The following DLGAP3 variants were observed in gnomAD, a reference collection of about 807,000 sequenced individuals.
DLGAP3 encodes the protein disks large-associated protein 3.
DLGAP3 carries 17 observed loss-of-function variants against 81.2 expected under a neutral mutation model. The ratio of observed to expected loss-of-function variants is 0.21; its 90% CI spans 0.14 to 0.31. The LOEUF is 0.31. DLGAP3 is among the 10% of genes least tolerant of loss of function. DLGAP3 has a pLI of 1.00. For missense variants in DLGAP3, 1,124 were observed against 1,388.0 expected (o/e 0.81, Z 3.02); for synonymous variants, 577 against 587.4 (o/e 0.98, Z 0.26).
intron 8 of DLGAP3, among the ~76,000 whole-genome samples, chr1:34,869,659 A>C (rs1487208555): frequency 2.0e-5 from 3 of 151,966 alleles, no homozygotes; most frequent in Non-Finnish European, 1.5e-5. Context: ...TCTTTTTGGA[A>C]GAGACAGGGT....
At position 34,867,764 on chromosome 1, in the gene DLGAP3, A is replaced by G; in HGVS notation, c.2486-137T>C. The G allele has an allele frequency of 2.7e-6, 2 of 739,136 alleles. No individual in the cohort carries two copies. Among genetic ancestry groups the G allele is most frequent in the Admixed American group, 2.0e-5 (1 of 50,962 alleles). The allele number at this position is 739,136 out of a possible 1,614,324, so 45.8% of individuals were successfully genotyped here. A position where few individuals can be genotyped will look rare whatever the true frequency, so the allele number is the denominator to read the frequency against. On this transcript the variant is annotated intron_variant, in intron 9 of 11. Coordinates refer to ENST00000373347, the MANE Select transcript of DLGAP3 (RefSeq NM_001080418.3). The surrounding 1 kb of genome is among the most constrained non-coding windows in gnomAD (Gnocchi z 4.3). The stretch of plus-strand genomic sequence containing the variant: ...ATCAGTCTCCTCCAGCCCCAGCCCC[A>G]TCCCATCCTCAAGTTCCTAACAAGT...
In DLGAP3 at chr1:34,900,338, T is replaced by G; in HGVS notation, c.1108-65A>C. The G allele has an allele frequency of 6.5e-7, 1 of 1,537,602 alleles. No individual in the cohort carries two copies. The highest frequency in any genetic ancestry group is 1.4e-5 in the African/African-American group (1 of 73,834). ...AGTAAATCTAGAGGCCAGGACTCTT[T>G]CCCCACTGCCAGTGGGAGATGCCCT... On this transcript the variant is annotated intron_variant, in intron 3 of 11. Coordinates refer to ENST00000373347, the MANE Select transcript of DLGAP3 (RefSeq NM_001080418.3). The surrounding 1 kb of genome is among the most constrained non-coding windows in gnomAD (Gnocchi z 5.6).
Position 34,904,545 on chromosome 1 carries a change from G to T in DLGAP3, c.839C>A (p.Pro280His). Residue 280 changes from proline (P) to histidine (H), a missense_variant, in exon 3 of 12, where the codon CCT becomes CAT. Pro to His is a moderately conservative substitution (Grantham distance 77). This residue lies in a region of DLGAP3 where 357 missense variants were observed against 408.8 expected (regional missense o/e 0.87). Coordinates refer to ENST00000373347, the MANE Select transcript of DLGAP3 (RefSeq NM_001080418.3). This position sits in a 1 kb window ranked among gnomAD's most constrained non-coding sequence, Gnocchi z 8.1. The part of the protein sequence containing the change: ...DSGFLAGGRP[P>H]GEPGGPFCLE... Reference sequence around the variant, plus strand: ...GCAGAAGGGACCACCAGGCTCCCCAGGGGGCCTCCCACCCGCCAGGAAGCC... The same window carrying T: ...GCAGAAGGGACCACCAGGCTCCCCATGGGGCCTCCCACCCGCCAGGAAGCC... 1 of 1,614,108 alleles carries T rather than the reference G, an allele frequency of 6.2e-7. No individual in the cohort carries two copies. Among genetic ancestry groups the T allele is most frequent in the Non-Finnish European group, 8.5e-7 (1 of 1,179,970 alleles).
rs1194797550 is a variant in DLGAP3 at position 34,929,278 on chromosome 1, G to A, written c.-135+173C>T. Among the ~76,000 whole-genome samples the A allele has an allele frequency of 2.0e-5, 3 of 151,030 alleles. No homozygotes were observed. Among genetic ancestry groups the A allele is most frequent in the South Asian group, 2.1e-4 (1 of 4,830 alleles). ...CGGGCCCGCGGGCAGCCAGGCCGGG[G>A]CAGGAGCGGGGGCAGCTGAGGAGGC... On this transcript the variant is annotated intron_variant, in intron 1 of 11. Coordinates refer to ENST00000373347, the MANE Select transcript of DLGAP3 (RefSeq NM_001080418.3). The surrounding 1 kb of genome is among the most constrained non-coding windows in gnomAD (Gnocchi z 6.5).
chr1:34,878,995 C>T (rs894366535), intron 8 of DLGAP3, among the ~76,000 whole-genome samples: 4 of 151,270 alleles, frequency 2.6e-5, no homozygotes, highest in Non-Finnish European at 4.4e-5. Flanking sequence ...TGGCGTGAAC[C>T]TAGGAGGCGG....
rs1639736712 is a variant in DLGAP3, at chr1:34,917,566, G to T, written c.-134-10129C>A. On this transcript the variant is annotated intron_variant, in intron 1 of 11. Transcript: ENST00000373347. The stretch of plus-strand genomic sequence containing the variant: ...TCACTATGTTGCCCCAGCTGGTCTT[G>T]AACTCCTGGGCTCAAGTGATCCTCC... Among the ~76,000 whole-genome samples the T allele has an allele frequency of 2.6e-5, 4 of 151,994 alleles. 1 individual carries two copies. Among genetic ancestry groups the T allele is most frequent in the Admixed American group, 6.6e-5 (1 of 15,262 alleles).
intron 1 of DLGAP3, among the ~76,000 whole-genome samples, chr1:34,918,131 T>TACAG (rs148311624): frequency 1.3e-5 from 2 of 151,928 alleles, no homozygotes; most frequent in East Asian, 1.9e-4. Flanking sequence ...CAGCCAGGCA[T>TACAG]ACAGACAGAC....
At chr1:34,918,826 CG>C (rs1178069935) in intron 1 of DLGAP3, among the ~76,000 whole-genome samples, 2 of 152,138 alleles carry the variant, frequency 1.3e-5, no homozygotes, top group East Asian at 3.9e-4. Context: ...ATGCACACTC[CG>C]AGGCCAGAGC....
Position 34,904,484 on chromosome 1 carries a change from G to A in DLGAP3, c.900C>T (p.Ser300=), listed in dbSNP as rs774974802. The change falls in exon 3 of 12, where the codon AGC becomes AGT. Residue 300 remains serine, a synonymous_variant. Transcript: ENST00000373347. The surrounding 1 kb of genome is among the most constrained non-coding windows in gnomAD (Gnocchi z 8.1). ...EGPDGSYRDL[S]FKGRSGGSEG... is the part of the protein sequence containing the mutation. The stretch of plus-strand genomic sequence containing the variant: ...CCGACCCGCCCGAGCGCCCCTTGAA[G>A]CTCAAGTCCCGGTAGGACCCATCTG... The A allele has an allele frequency of 4.3e-6, 7 of 1,614,108 alleles. No homozygotes were observed. The highest frequency in any genetic ancestry group is 1.7e-5 in the Admixed American group (1 of 60,014).
chr1:34,887,967 G>A (rs1162624517), intron 5 of DLGAP3, among the ~76,000 whole-genome samples: 2 of 152,198 alleles, frequency 1.3e-5, no homozygotes, highest in Non-Finnish European at 2.9e-5. Flanking sequence ...CAGGCCAGAT[G>A]CCCATGAGAA....
intron 1 of DLGAP3, among the ~76,000 whole-genome samples, chr1:34,924,996 G>A (rs1228663152): frequency 6.6e-6 from 1 of 152,136 alleles, no homozygotes; most frequent in Non-Finnish European, 1.5e-5. Flanking sequence ...AGCTCCGAAG[G>A]AGCAAATCCC....
rs149504598 is a variant in DLGAP3 at position 34,873,813 on chromosome 1, C to CTGGTTGGTTGGT, written c.2001-4736_2001-4725dup. On this transcript the variant is annotated intron_variant, in intron 8 of 11. Coordinates refer to ENST00000373347, the MANE Select transcript of DLGAP3 (RefSeq NM_001080418.3). The surrounding 1 kb of genome is among the most constrained non-coding windows in gnomAD (Gnocchi z 4.2). ...TCACTAAATAGGGCAGTTCATCACA[C>CTGGTTGGTTGGT]TGGTTGGTTGGTTGGTTGGTTGGTT... is the stretch of plus-strand genomic sequence containing the variant. Among the ~76,000 whole-genome samples the CTGGTTGGTTGGT allele has an allele frequency of 1.1e-4, 17 of 151,000 alleles. No homozygotes were observed. Among genetic ancestry groups the CTGGTTGGTTGGT allele is most frequent in the African/African-American group, 3.4e-4 (14 of 40,776 alleles).
chr1:34,866,395 C>T, intron 11 of DLGAP3, 94 bp from the exon 12 acceptor site: 1 of 1,037,308 alleles, frequency 9.6e-7, no homozygotes, highest in South Asian at 1.7e-5. Context: ...GTGCTGACGA[C>T]CGCGTGGCTC....
At chr1:34,918,926 G>C (rs981730862) in intron 1 of DLGAP3, among the ~76,000 whole-genome samples, 1 of 152,158 alleles carries the variant, frequency 6.6e-6, no homozygotes, top group Non-Finnish European at 1.5e-5. Context: ...GCTTCCACCC[G>C]CAGGACCCTG....
In DLGAP3 at chr1:34,895,734, G is replaced by C. The variant is rs1438915775; in HGVS notation, c.1386+3935C>G. 6.6e-6 allele frequency among the ~76,000 whole-genome samples: 1 copy of C among 152,070 alleles called. No homozygotes were observed. Among genetic ancestry groups the C allele is most frequent in the Non-Finnish European group, 1.5e-5 (1 of 68,014 alleles). On this transcript the variant is annotated intron_variant, in intron 5 of 11. Transcript: ENST00000373347. This position sits in a 1 kb window ranked among gnomAD's most constrained non-coding sequence, Gnocchi z 4.5. The stretch of plus-strand genomic sequence containing the variant: ...GGTAATAGCATAAAGATAGGTTCAA[G>C]CAGACCAATGGAATAAATTTTAAGG...
intron 1 of DLGAP3, among the ~76,000 whole-genome samples, chr1:34,927,460 A>G (rs1161026487): frequency 1.3e-5 from 2 of 152,134 alleles, no homozygotes; most frequent in Non-Finnish European, 1.5e-5. Context: ...TTCTACAGCT[A>G]CATACAAGCT....
Position 34,904,284 on chromosome 1 carries a change from T to C in DLGAP3, c.1100A>G (p.Tyr367Cys), listed in dbSNP as rs777715267. 5 of 1,604,340 alleles carry C rather than the reference T, an allele frequency of 3.1e-6. No individual in the cohort carries two copies. The highest frequency in any genetic ancestry group is 1.7e-4 in the Middle Eastern group (1 of 6,060). Reference sequence around the variant, plus strand: ...ACCCCAAAAAAGCCTCACCTGCAGATAGTGATAAGTCCTGGCTTTGGCCTT... The same window carrying C: ...ACCCCAAAAAAGCCTCACCTGCAGACAGTGATAAGTCCTGGCTTTGGCCTT... ...ETKAKARTYH[Y>C]LQVPQDDWGG... The change falls in exon 3 of 12, where the codon TAT (tyrosine) becomes TGT (cysteine). Residue 367 changes from tyrosine to cysteine, a missense_variant. By Grantham distance (194) the Tyr-to-Cys change is radical (BLOSUM62 -2). This residue lies in a region of DLGAP3 where 357 missense variants were observed against 408.8 expected (regional missense o/e 0.87). Transcript: ENST00000373347. This position sits in a 1 kb window ranked among gnomAD's most constrained non-coding sequence, Gnocchi z 8.1.
At chr1:34,917,611 C>T (rs1399017402) in intron 1 of DLGAP3, among the ~76,000 whole-genome samples, 1 of 152,100 alleles carries the variant, frequency 6.6e-6, no homozygotes, top group Non-Finnish European at 1.5e-5. Context: ...CTCCCAAGTG[C>T]TGGGATTATA....
intron 5 of DLGAP3, among the ~76,000 whole-genome samples, chr1:34,892,912 C>T (rs967823401): frequency 2.0e-5 from 3 of 152,120 alleles, no homozygotes; most frequent in Non-Finnish European, 4.4e-5. Flanking sequence ...GTGGCTCACG[C>T]CTGTAATCCC....
Sources: gnomAD v4.1 joint callset for allele counts (sites outside exome capture counted in the v4.1 genomes callset) on GRCh38, gnomAD v4.1.1 for gene constraint, gnomAD v4.1.1 regional missense constraint, Gnocchi (gnomAD v3.1) non-coding constraint, MANE v1.5 for transcripts, NCBI Gene and HGNC (gene_info 2026-07-23, HGNC 2026-07-21) for gene names.